Variants in JAM3 observed in about 807,000 individuals in gnomAD.
JAM3 encodes the protein junctional adhesion molecule 3.
JAM3 carries 31 observed loss-of-function variants against 39.4 expected under a neutral mutation model. The observed-to-expected ratio is 0.79, with a 90% CI of 0.59 to 1.06. JAM3 has a LOEUF of 1.06. Among genes scored for constraint, JAM3 ranks in the 50% least tolerant of loss-of-function variants. The pLI is 0.00. For synonymous variants in JAM3, 182 were observed against 148.7 expected, an observed-to-expected ratio of 1.22 and a Z score of -1.63; for missense variants, 455 against 391.4, an observed-to-expected ratio of 1.16 and a Z score of -1.37.
intron 8 of JAM3, 76 bp downstream of exon 8, chr11:134,148,894 G>A: frequency 6.8e-7 from 1 of 1,473,604 alleles, no homozygotes; most frequent in Non-Finnish European, 9.4e-7. Context: ...AACCACACGG[G>A]TCTCCTGGGA....
chr11:134,109,510 T>A (rs1234231871), intron 1 of JAM3, among the ~76,000 whole-genome samples: 1 of 152,240 alleles, frequency 6.6e-6, no homozygotes, highest in Non-Finnish European at 1.5e-5. Flanking sequence ...TCCATCCATT[T>A]ACTTATCAAC....
At chr11:134,131,511 TCAACAA>T (rs147210381) in intron 1 of JAM3, among the ~76,000 whole-genome samples, 4 of 151,730 alleles carry the variant, frequency 2.6e-5, no homozygotes, top group African/African-American at 9.7e-5. Context: ...AACAACAGCA[TCAACAA>T]CAACAACAAA....
intron 1 of JAM3, among the ~76,000 whole-genome samples, chr11:134,088,634 C>T (rs1185403788): frequency 1.3e-5 from 2 of 152,154 alleles, no homozygotes; most frequent in South Asian, 4.1e-4. Context: ...AACCTCTGAA[C>T]ATTAAATCAC....
intron 1 of JAM3, among the ~76,000 whole-genome samples, chr11:134,116,931 T>A (rs1204395442): frequency 6.6e-6 from 1 of 152,190 alleles, no homozygotes; most frequent in Non-Finnish European, 1.5e-5. Flanking sequence ...TGTGAGAAAC[T>A]TGGCTGTCAT....
chr11:134,083,135 G>A (rs923417336), intron 1 of JAM3, among the ~76,000 whole-genome samples: 1 of 152,116 alleles, frequency 6.6e-6, no homozygotes, highest in South Asian at 2.1e-4. Flanking sequence ...TGTAATTTTA[G>A]AGATGCTTAC....
At chr11:134,078,238 G>C (rs150290629) in intron 1 of JAM3, among the ~76,000 whole-genome samples, 10,172 of 152,172 alleles carry the variant, frequency 0.067, 384 homozygotes, top group African/African-American at 0.085. Context: ...TCCCGCCTCA[G>C]CCTCCTGAGT....
chr11:134,099,895 G>A lies in JAM3; in HGVS notation c.76+30736G>A, dbSNP rs555771785. ...GCTGGGATTACAGGCGTGAGCCACCGCGCCCGGCTTGCTTCCTTTATTTTT... is the reference window on the plus strand; with the variant it reads ...GCTGGGATTACAGGCGTGAGCCACCACGCCCGGCTTGCTTCCTTTATTTTT... On this transcript the variant is annotated intron_variant, in intron 1 of 8. Transcript: ENST00000299106. 5.9e-5 allele frequency among the ~76,000 whole-genome samples: 9 copies of A among 152,220 alleles called. No individual in the cohort carries two copies. In the East Asian group the frequency reaches 1.2e-3, roughly 20 times the overall value.
chr11:134,131,188 A>G (rs994812859), intron 1 of JAM3, among the ~76,000 whole-genome samples: 1 of 128,770 alleles, frequency 7.8e-6, no homozygotes, highest in Non-Finnish European at 1.6e-5. Flanking sequence ...ACCCCTGCAC[A>G]GAGCCAGTCT....
intron 1 of JAM3, among the ~76,000 whole-genome samples, chr11:134,075,811 C>G (rs1012154005): frequency 1.3e-5 from 2 of 152,122 alleles, no homozygotes; most frequent in African/African-American, 4.8e-5. Flanking sequence ...ATTCTCAGTT[C>G]TTATCCATTC....
At chr11:134,128,178 C>T (rs1942690006) in intron 1 of JAM3, among the ~76,000 whole-genome samples, 1 of 152,178 alleles carries the variant, frequency 6.6e-6, no homozygotes, top group South Asian at 2.1e-4. Flanking sequence ...AACACAACAG[C>T]CTGAGGTCCA....
chr11:134,148,305 A>T (rs957396477), intron 6 of JAM3: 2 of 563,576 alleles, frequency 3.5e-6, no homozygotes, highest in Non-Finnish European at 6.3e-6. Flanking sequence ...TACACTTTTC[A>T]GTGCGACTGC....
intron 1 of JAM3, among the ~76,000 whole-genome samples, chr11:134,121,226 CT>C (rs1452590020): frequency 6.6e-6 from 1 of 152,228 alleles, no homozygotes; most frequent in Non-Finnish European, 1.5e-5. Context: ...TATAACTTGT[CT>C]GGCATCAGAT....
chr11:134,132,791 G>T (rs1591801386), intron 1 of JAM3, among the ~76,000 whole-genome samples: 1 of 151,198 alleles, frequency 6.6e-6, no homozygotes, highest in Admixed American at 6.6e-5. Flanking sequence ...GAGAATGTCT[G>T]GGGGGGCCTG....
intron 1 of JAM3, among the ~76,000 whole-genome samples, chr11:134,117,206 A>C (rs1200397188): frequency 6.6e-6 from 1 of 152,126 alleles, no homozygotes; most frequent in African/African-American, 2.4e-5. Flanking sequence ...TACTAAAAGT[A>C]CAAAAAATAA....
rs1477880601 is a variant in JAM3, at chr11:134,085,555, A to C, written c.76+16396A>C. ...TCTTAACAAACATTCTTTGTACCTA[A>C]TTTCATATTCATAACTTTATGTTTG... On this transcript the variant is annotated intron_variant, in intron 1 of 8. Transcript: ENST00000299106. Among the ~76,000 whole-genome samples, 5 of 152,026 alleles carry C rather than the reference A, an allele frequency of 3.3e-5. No homozygotes were observed. In the South Asian group the frequency reaches 1.0e-3, roughly 32 times the overall value.
At chr11:134,129,956 C>T (rs535335203) in intron 1 of JAM3, among the ~76,000 whole-genome samples, 59 of 152,112 alleles carry the variant, frequency 3.9e-4, no homozygotes, top group African/African-American at 1.1e-3. Context: ...GAGCCGAGAT[C>T]GCGCCACTGC....
In JAM3 at chr11:134,089,771, G is replaced by A. The variant is rs911100767; in HGVS notation, c.76+20612G>A. Among the ~76,000 whole-genome samples the A allele has an allele frequency of 5.5e-3, 830 of 152,236 alleles. 3 individuals are homozygous for A. The highest frequency in any genetic ancestry group is 0.017 in the African/African-American group (718 of 41,528). On this transcript the variant is annotated intron_variant, in intron 1 of 8. Transcript: ENST00000299106. ...GTGAATAGTGTCGCAGTAAACATAC[G>A]TGTGCATGTGTCTTTATAGCAGCAT... is the stretch of plus-strand genomic sequence containing the variant.
intron 3 of JAM3, among the ~76,000 whole-genome samples, chr11:134,143,373 T>A (rs1241050857): frequency 6.6e-6 from 1 of 152,186 alleles, no homozygotes; most frequent in Non-Finnish European, 1.5e-5. Context: ...TTTGGAGAAA[T>A]GTCTGTTCAA....
In JAM3 at chr11:134,150,852, G is replaced by A. The variant is rs1035291923; in HGVS notation, c.*1671G>A. The A allele has an allele frequency of 6.6e-6, 1 of 152,022 alleles. No individual in the cohort carries two copies. Among genetic ancestry groups the A allele is most frequent in the Non-Finnish European group, 1.5e-5 (1 of 67,918 alleles). 9.4% of individuals were successfully genotyped at this position (152,022 alleles called of 1,614,324 possible). The stretch of plus-strand genomic sequence containing the variant: ...GTGGCGGCCAGTCCAGCCTTTTAAA[G>A]AACGTCAGGTGGAGCAGCCAGGTGA... On this transcript the variant is annotated 3_prime_UTR_variant, in exon 9 of 9. Coordinates refer to ENST00000299106, the MANE Select transcript of JAM3 (RefSeq NM_032801.5).
Sources: allele counts gnomAD v4.1 joint callset (sites outside exome capture counted in the v4.1 genomes callset), GRCh38; gene constraint gnomAD v4.1.1; transcripts MANE v1.5; gene names NCBI Gene and HGNC (gene_info 2026-07-23, HGNC 2026-07-21).